Variants in ARMC8 observed in about 807,000 individuals in gnomAD.
ARMC8 encodes the protein armadillo repeat containing 8, also known as armadillo repeat-containing protein 8.
Under a neutral mutation model 99.3 loss-of-function variants are expected in ARMC8, and 20 were observed. The observed-to-expected ratio is 0.20, with a 90% CI of 0.14 to 0.29. The LOEUF is 0.29. Ranked by LOEUF, ARMC8 falls within the 10% of genes least tolerant of loss-of-function variation. The pLI is 1.00. For missense variants in ARMC8, 569 were observed against 809.5 expected (o/e 0.70, Z 3.60); for synonymous variants, 263 against 278.3 (o/e 0.95, Z 0.55).
intron 2 of ARMC8, among the ~76,000 whole-genome samples, chr3:138,216,790 A>T (rs1002322020): frequency 3.9e-5 from 6 of 152,182 alleles, no homozygotes; most frequent in African/African-American, 1.4e-4. Context: ...GCTACTTCAT[A>T]CTAATTAGAC....
chr3:138,280,440 C>T (rs910143308), intron 18 of ARMC8, among the ~76,000 whole-genome samples: 2 of 151,284 alleles, frequency 1.3e-5, no homozygotes, highest in African/African-American at 4.9e-5. Context: ...GCCTCAGCCT[C>T]CCAAGTAGCT....
intron 6 of ARMC8, 167 bp downstream of exon 6, chr3:138,229,177 T>TACAC (rs1559958090): frequency 5.6e-5 from 2 of 35,854 alleles, no homozygotes; most frequent in African/African-American, 1.8e-4. Context: ...TATATATATA[T>TACAC]ATATATGTAT....
intron 15 of ARMC8, among the ~76,000 whole-genome samples, chr3:138,268,047 A>AG (rs2048439788): frequency 6.6e-6 from 1 of 152,160 alleles, no homozygotes. Flanking sequence ...GTTTGAGACC[A>AG]GCCTGGCCAA....
intron 1 of ARMC8, chr3:138,188,000 G>C (rs1202265990): frequency 3.8e-6 from 1 of 261,460 alleles, no homozygotes; most frequent in Non-Finnish European, 7.4e-6. Context: ...CTGAGAACGA[G>C]CGCCCACTCA....
chr3:138,190,687 T>G (rs2107938490), intron 1 of ARMC8, among the ~76,000 whole-genome samples: 1 of 152,312 alleles, frequency 6.6e-6, no homozygotes, highest in East Asian at 1.9e-4. Flanking sequence ...TAAATCTTAT[T>G]CTTCTTACTC....
At chr3:138,211,241 A>G (rs1261444444) in intron 2 of ARMC8, among the ~76,000 whole-genome samples, 2 of 152,190 alleles carry the variant, frequency 1.3e-5, no homozygotes, top group Non-Finnish European at 1.5e-5. Context: ...TATATAGATA[A>G]TTCTAAGTAT....
intron 2 of ARMC8, among the ~76,000 whole-genome samples, chr3:138,216,131 C>T (rs563895136): frequency 6.6e-6 from 1 of 151,522 alleles, no homozygotes; most frequent in East Asian, 1.9e-4. Flanking sequence ...TTGTGATCCG[C>T]CCGCCTCGGA....
At chr3:138,211,808 T>G (rs2044709301) in intron 2 of ARMC8, among the ~76,000 whole-genome samples, 1 of 152,208 alleles carries the variant, frequency 6.6e-6, no homozygotes, top group South Asian at 2.1e-4. Flanking sequence ...CAGGTTGATG[T>G]GAGAATTAAA....
chr3:138,295,879 A>G lies in ARMC8; in HGVS notation c.2009A>G (p.Gln670Arg). ...LCDKAKMALQQYLA is the reference protein window; with the variant it reads ...LCDKAKMALQRYLA ...TTCAGGGCAAAGATGGCACTGCAGC[A>G]GTACCTGGCATGATGGGAGTGCCCC... The change falls in exon 22 of 22, where the codon CAG (glutamine) becomes CGG (arginine). Residue 670 changes from glutamine to arginine, a missense_variant. Gln to Arg is a conservative substitution (Grantham distance 43). Coordinates refer to ENST00000469044, the MANE Select transcript of ARMC8 (RefSeq NM_001363941.2). 6.2e-7 allele frequency: 1 copy of G among 1,613,756 alleles called. No individual in the cohort carries two copies. The highest frequency in any genetic ancestry group is 8.5e-7 in the Non-Finnish European group (1 of 1,179,792).
At position 138,223,407 on chromosome 3, in the gene ARMC8, G is replaced by A. The variant is rs774244966; in HGVS notation, c.213G>A (p.Gln71=). 9 of 1,613,930 alleles carry A rather than the reference G, an allele frequency of 5.6e-6. No individual in the cohort carries two copies. In the South Asian group the frequency reaches 7.7e-5, roughly 14 times the overall value. The part of the protein sequence containing the change: ...GAVPRLLYLL[Q]QETSSTELKT... ...TTTTTAGATTGTTGTACTTGCTTCA[G>A]CAAGAAACCTCAAGCACAGAGCTGA... The change falls in exon 4 of 22, where the codon CAG becomes CAA. Residue 71 remains glutamine (Q), a synonymous_variant. Coordinates refer to ENST00000469044, the MANE Select transcript of ARMC8 (RefSeq NM_001363941.2).
Position 138,187,407 on chromosome 3 carries a change from C to T in ARMC8, c.-148C>T, listed in dbSNP as rs560096045. 3.4e-4 allele frequency: 243 copies of T among 716,988 alleles called. 1 individual carries two copies. In the African/African-American group the frequency reaches 3.9e-3, roughly 12 times the overall value. The allele number at this position is 716,988 out of a possible 1,614,324, so 44.4% of individuals were successfully genotyped here. Reference sequence around the variant, plus strand: ...TTTGCCCTTCTTTCTGCGGGCCTTTCCGGTACTTGAGCGGTGTCCAGAGCG... The same window carrying T: ...TTTGCCCTTCTTTCTGCGGGCCTTTTCGGTACTTGAGCGGTGTCCAGAGCG... On this transcript the variant is annotated 5_prime_UTR_variant, in exon 1 of 22. Coordinates refer to ENST00000469044, the MANE Select transcript of ARMC8 (RefSeq NM_001363941.2).
chr3:138,277,256 A>G (rs1270261384), intron 18 of ARMC8, among the ~76,000 whole-genome samples: 1 of 152,242 alleles, frequency 6.6e-6, no homozygotes, highest in East Asian at 1.9e-4. Context: ...CACTTGAGAT[A>G]AAAATTTACT....
intron 6 of ARMC8, 157 bp downstream of exon 6, chr3:138,229,167 T>TATATATATATATAC (rs1480682019): frequency 1.4e-3 from 77 of 56,582 alleles, no homozygotes; most frequent in African/African-American, 4.7e-3. Flanking sequence ...TATATATATA[T>TATATATATATATAC]ATATATATAT....
At chr3:138,232,320 G>A (rs1476101211) in intron 6 of ARMC8, among the ~76,000 whole-genome samples, 1 of 152,042 alleles carries the variant, frequency 6.6e-6, no homozygotes, top group East Asian at 1.9e-4. Context: ...CCTCAGAGAG[G>A]AGGAAGAACT....
intron 12 of ARMC8, among the ~76,000 whole-genome samples, chr3:138,247,876 A>G (rs1333641493): frequency 6.6e-6 from 1 of 152,378 alleles, no homozygotes; most frequent in Non-Finnish European, 1.5e-5. Flanking sequence ...AACCAACTGT[A>G]TAACATTCCC....
intron 12 of ARMC8, among the ~76,000 whole-genome samples, chr3:138,258,544 T>C (rs994078142): frequency 6.6e-6 from 1 of 152,246 alleles, no homozygotes; most frequent in East Asian, 1.9e-4. Context: ...CTTAGTATTA[T>C]CTGGATTCTG....
Position 138,205,060 on chromosome 3 carries a change from CTTTTTTTTTTTT to C in ARMC8, c.46-4742_46-4731del, listed in dbSNP as rs71146118. ...AACTCAGTCTCTTTTCTTTTCTTTT[CTTTTTTTTTTTT>C]TTTTTTTTTTTTTTGAGGTGAAGTC... On this transcript the variant is annotated intron_variant, in intron 1 of 21. Coordinates refer to ENST00000469044, the MANE Select transcript of ARMC8 (RefSeq NM_001363941.2). Among the ~76,000 whole-genome samples the C allele has an allele frequency of 6.4e-3, 599 of 93,232 alleles. 5 individuals carry two copies. Among genetic ancestry groups the C allele is most frequent in the African/African-American group, 0.025 (574 of 22,586 alleles). The allele number at this position is 93,232 out of a possible 152,430, so 61.2% of individuals were successfully genotyped here. A position where few individuals can be genotyped will look rare whatever the true frequency, so the allele number is the denominator to read the frequency against.
chr3:138,282,390 GTAAT>G (rs1287929862), intron 18 of ARMC8, among the ~76,000 whole-genome samples: 3 of 152,210 alleles, frequency 2.0e-5, no homozygotes, highest in Non-Finnish European at 4.4e-5. Context: ...GCTCATGCCT[GTAAT>G]CCCAGCACTT....
chr3:138,221,802 G>A (rs968851229), intron 2 of ARMC8, 124 bp from the exon 3 acceptor site: 7 of 698,114 alleles, frequency 1.0e-5, no homozygotes, highest in Non-Finnish European at 1.5e-5. Context: ...TAGTACTTTA[G>A]GTGAAAAAAG....
Sources: gnomAD v4.1 joint callset for allele counts (sites outside exome capture counted in the v4.1 genomes callset) on GRCh38, gnomAD v4.1.1 for gene constraint, MANE v1.5 for transcripts, NCBI Gene and HGNC (gene_info 2026-07-23, HGNC 2026-07-21) for gene names.